FTO: variants seen among roughly 807,000 people sequenced by gnomAD.
FTO encodes alpha-ketoglutarate-dependent dioxygenase FTO.
In FTO, 47 loss-of-function variants were observed where a neutral mutation model predicts 63.9. That is an observed-to-expected ratio of 0.74 (90% CI 0.58 to 0.94). The LOEUF (loss-of-function observed/expected upper bound fraction) is 0.94. Ranked by LOEUF, FTO falls within the 40% of genes least tolerant of loss-of-function variation. The pLI, the probability that FTO is intolerant of heterozygous loss-of-function variation, is 0.00. For missense variants in FTO, 562 were observed against 618.1 expected (o/e 0.91, Z 0.96); for synonymous variants, 207 against 224.4 (o/e 0.92, Z 0.69).
chr16:53,919,690 T>C (rs1443706858), intron 7 of FTO, among the ~76,000 whole-genome samples: 1 of 152,208 alleles, frequency 6.6e-6, no homozygotes, highest in Non-Finnish European at 1.5e-5. Flanking sequence ...CACAGCAACC[T>C]GGATGGAATT....
At position 53,851,176 on chromosome 16, in the gene FTO, G is replaced by A. The variant is rs192269251; in HGVS notation, c.895+6878G>A. ...AATGTAGGAAAAAATGGCTGGGTGC[G>A]GTGGCTCACGCCTGTAATCCCAGCA... is the stretch of plus-strand genomic sequence containing the variant. On this transcript the variant is annotated intron_variant, in intron 4 of 8. Transcript: ENST00000471389. Among the ~76,000 whole-genome samples, 67 of 151,780 alleles carry A rather than the reference G, an allele frequency of 4.4e-4. 1 individual carries two copies. In the East Asian group the frequency reaches 0.011, roughly 26 times the overall value.
chr16:53,944,798 A>C (rs2082617888), intron 8 of FTO, among the ~76,000 whole-genome samples: 3 of 152,226 alleles, frequency 2.0e-5, no homozygotes, highest in Admixed American at 1.3e-4. Flanking sequence ...GTTCAATAAA[A>C]ATGACCTATC....
rs1443973355 is a variant in FTO at position 54,121,078 on chromosome 16, A to G, written c.*9163A>G. 2.0e-5 allele frequency: 3 copies of G among 152,422 alleles called. No individual in the cohort carries two copies. Among genetic ancestry groups the G allele is most frequent in the African/African-American group, 7.2e-5 (3 of 41,448 alleles). 9.4% of individuals were successfully genotyped at this position (152,422 alleles called of 1,614,324 possible). On this transcript the variant is annotated 3_prime_UTR_variant, in exon 9 of 9. Transcript: ENST00000471389. ...TATAAAGTTTTATTGGAACGCAGCC[A>G]TGCTCATCGGTTTATGTATTATCTA...
chr16:54,036,208 G>A (rs1400111838), intron 8 of FTO, among the ~76,000 whole-genome samples: 1 of 152,122 alleles, frequency 6.6e-6, no homozygotes, highest in African/African-American at 2.4e-5. Flanking sequence ...TTGGCCCTCA[G>A]TATTCTGAAT....
intron 3 of FTO, among the ~76,000 whole-genome samples, chr16:53,830,712 A>G (rs1405204990): frequency 6.6e-6 from 1 of 152,180 alleles, no homozygotes; most frequent in Non-Finnish European, 1.5e-5. Context: ...AGCCTGGCCA[A>G]CATGGTGAAA....
intron 8 of FTO, among the ~76,000 whole-genome samples, chr16:54,099,014 AG>A (rs2086576131): frequency 6.6e-6 from 1 of 152,236 alleles, no homozygotes; most frequent in South Asian, 2.1e-4. Context: ...TTAAATTTCA[AG>A]CAACAGGGAA....
At chr16:53,970,407 T>C (rs1205160163) in intron 8 of FTO, among the ~76,000 whole-genome samples, 2 of 151,926 alleles carry the variant, frequency 1.3e-5, no homozygotes, top group Non-Finnish European at 2.9e-5. Flanking sequence ...TTGGCTGACA[T>C]GGAGAATCCC....
chr16:53,912,352 G>A (rs1470916813), intron 7 of FTO, among the ~76,000 whole-genome samples: 3 of 152,116 alleles, frequency 2.0e-5, no homozygotes, highest in Non-Finnish European at 2.9e-5. Flanking sequence ...CCTCCCTGGC[G>A]TGTTTTGTGG....
intron 8 of FTO, among the ~76,000 whole-genome samples, chr16:53,938,966 C>G (rs1347666226): frequency 6.6e-6 from 1 of 151,164 alleles, no homozygotes; most frequent in Non-Finnish European, 1.5e-5. Context: ...GGCTTGGTGG[C>G]GGGTGCCTGT....
intron 7 of FTO, among the ~76,000 whole-genome samples, chr16:53,932,392 GT>G (rs1277490248): frequency 1.1e-3 from 150 of 140,948 alleles, no homozygotes; most frequent in East Asian, 8.0e-3. Context: ...TTCTGATGTG[GT>G]TTTTTTTTTT....
At chr16:54,012,927 G>T (rs2144088507) in intron 8 of FTO, among the ~76,000 whole-genome samples, 1 of 152,220 alleles carries the variant, frequency 6.6e-6, no homozygotes, top group Middle Eastern at 3.4e-3. Flanking sequence ...GATTAATGTT[G>T]TTTTCATGCC....
intron 8 of FTO, among the ~76,000 whole-genome samples, chr16:54,048,725 CATT>C (rs1296415325): frequency 6.6e-6 from 1 of 152,218 alleles, no homozygotes; most frequent in Non-Finnish European, 1.5e-5. Context: ...AGCCGTAGAG[CATT>C]GACTTTGCCT....
chr16:53,917,128 A>C (rs2081890033), intron 7 of FTO, among the ~76,000 whole-genome samples: 1 of 152,104 alleles, frequency 6.6e-6, no homozygotes, highest in Non-Finnish European at 1.5e-5. Context: ...TTACTCTGCT[A>C]CCCCATGAGA....
At chr16:53,747,993 C>A (rs1188915725) in intron 1 of FTO, among the ~76,000 whole-genome samples, 1 of 152,134 alleles carries the variant, frequency 6.6e-6, no homozygotes, top group Non-Finnish European at 1.5e-5. Flanking sequence ...TTTCTGGGCT[C>A]TATTCTGTTC....
At chr16:53,997,610 A>G (rs1275240605) in intron 8 of FTO, among the ~76,000 whole-genome samples, 7 of 152,038 alleles carry the variant, frequency 4.6e-5, no homozygotes, top group African/African-American at 1.7e-4. Context: ...AGTATACAAA[A>G]CAGAGGGGAC....
At chr16:53,919,534 T>C (rs1303227206) in intron 7 of FTO, among the ~76,000 whole-genome samples, 1 of 152,188 alleles carries the variant, frequency 6.6e-6, no homozygotes, top group Non-Finnish European at 1.5e-5. Flanking sequence ...TGCATGTTTA[T>C]AGCAGCACAA....
intron 8 of FTO, among the ~76,000 whole-genome samples, chr16:54,002,804 A>G (rs1312781114): frequency 2.6e-5 from 4 of 152,268 alleles, no homozygotes; most frequent in African/African-American, 9.6e-5. Flanking sequence ...CTCATACATT[A>G]CTAGTGAGGA....
At chr16:53,815,384 TCTTTAG>T (rs965873806) in intron 2 of FTO, among the ~76,000 whole-genome samples, 2 of 152,120 alleles carry the variant, frequency 1.3e-5, no homozygotes, top group Non-Finnish European at 2.9e-5. Context: ...TGGTTTTACC[TCTTTAG>T]AATCTCTCAA....
intron 8 of FTO, among the ~76,000 whole-genome samples, chr16:54,024,523 C>T (rs1480150266): frequency 1.3e-5 from 2 of 152,110 alleles, no homozygotes; most frequent in Non-Finnish European, 2.9e-5. Context: ...TCACCGCGCC[C>T]GGCCTTGGCT....
Sources: allele counts gnomAD v4.1 joint callset (sites outside exome capture counted in the v4.1 genomes callset), GRCh38; gene constraint gnomAD v4.1.1; transcripts MANE v1.5; gene names NCBI Gene and HGNC (gene_info 2026-07-23, HGNC 2026-07-21).